PEPD: variants seen among roughly 807,000 people sequenced by gnomAD.
PEPD encodes peptidase D.
PEPD carries 53 observed loss-of-function variants against 60.7 expected under a neutral mutation model. The observed-to-expected ratio is 0.87, with a 90% CI of 0.70 to 1.10. PEPD has a LOEUF of 1.10. PEPD is among the 50% of genes least tolerant of loss of function. The pLI is 0.00. For missense variants in PEPD, 711 were observed against 711.9 expected, an observed-to-expected ratio of 1.00 and a Z score of 0.01; for synonymous variants, 267 against 284.1, an observed-to-expected ratio of 0.94 and a Z score of 0.60.
At chr19:33,509,793 A>G (rs1190755452) in intron 3 of PEPD, among the ~76,000 whole-genome samples, 1 of 152,216 alleles carries the variant, frequency 6.6e-6, no homozygotes, top group Non-Finnish European at 1.5e-5. Context: ...CTCCCTGGTT[A>G]AGTACAGTGT....
At chr19:33,403,447 CA>C (rs1018811840) in intron 11 of PEPD, among the ~76,000 whole-genome samples, 16 of 152,302 alleles carry the variant, frequency 1.1e-4, no homozygotes, top group African/African-American at 3.8e-4. Context: ...AGTCTGAGGC[CA>C]GGGGCACAGC....
At chr19:33,470,428 G>T (rs1970101781) in intron 7 of PEPD, among the ~76,000 whole-genome samples, 1 of 151,824 alleles carries the variant, frequency 6.6e-6, no homozygotes, top group African/African-American at 2.4e-5. Context: ...TCCCTCCTCT[G>T]CCTGGAACTT....
chr19:33,459,195 C>G (rs1256176749), intron 9 of PEPD, among the ~76,000 whole-genome samples: 2 of 152,066 alleles, frequency 1.3e-5, no homozygotes, highest in Admixed American at 6.6e-5. Context: ...ACACGGTACC[C>G]GTCACACTAC....
At chr19:33,440,872 A>G (rs569438688) in intron 9 of PEPD, among the ~76,000 whole-genome samples, 2 of 152,178 alleles carry the variant, frequency 1.3e-5, no homozygotes, top group Admixed American at 1.3e-4. Context: ...TAATCCGGTG[A>G]GGGGCACTGG....
intron 9 of PEPD, among the ~76,000 whole-genome samples, chr19:33,454,797 A>G (rs528337794): frequency 6.6e-6 from 1 of 152,304 alleles, no homozygotes; most frequent in African/African-American, 2.4e-5. Context: ...GAGTGACTTT[A>G]CAGTGGAGAA....
intron 7 of PEPD, among the ~76,000 whole-genome samples, chr19:33,473,539 C>T (rs1471210292): frequency 6.6e-6 from 1 of 151,836 alleles, no homozygotes; most frequent in Non-Finnish European, 1.5e-5. Context: ...CAATTTAACA[C>T]AGTCTCGCTT....
At chr19:33,468,268 G>A (rs1000845280) in intron 7 of PEPD, among the ~76,000 whole-genome samples, 8 of 152,188 alleles carry the variant, frequency 5.3e-5, no homozygotes, top group East Asian at 1.9e-4. Context: ...AGGCCCACCC[G>A]TGACTCTCAC....
At chr19:33,499,123 A>G (rs1030227126) in intron 4 of PEPD, among the ~76,000 whole-genome samples, 3 of 152,226 alleles carry the variant, frequency 2.0e-5, no homozygotes, top group African/African-American at 7.2e-5. Flanking sequence ...CATTGGGAGC[A>G]TGCAAATAAA....
At chr19:33,505,977 TCA>T (rs1970795143) in intron 3 of PEPD, among the ~76,000 whole-genome samples, 1 of 125,618 alleles carries the variant, frequency 8.0e-6, no homozygotes, top group Non-Finnish European at 1.6e-5. Context: ...CCACACCCCA[TCA>T]CAAACACCTT....
chr19:33,510,237 C>T (rs941161141), intron 3 of PEPD, among the ~76,000 whole-genome samples: 34 of 152,242 alleles, frequency 2.2e-4, no homozygotes, highest in African/African-American at 7.9e-4. Flanking sequence ...TTCTTGGTCT[C>T]GAGTTGAATT....
chr19:33,497,941 T>A (rs1442274286), intron 4 of PEPD, among the ~76,000 whole-genome samples: 5 of 151,988 alleles, frequency 3.3e-5, no homozygotes, highest in Non-Finnish European at 7.4e-5. Context: ...TGGCGTCACA[T>A]CCCAGTACCA....
At chr19:33,411,270 G>A (rs1968763223) in intron 11 of PEPD, among the ~76,000 whole-genome samples, 1 of 152,166 alleles carries the variant, frequency 6.6e-6, no homozygotes, top group African/African-American at 2.4e-5. Context: ...GCTCCCTGCG[G>A]TCTTCCCAGC....
chr19:33,392,361 C>T (rs1250843078), intron 12 of PEPD, among the ~76,000 whole-genome samples: 1 of 152,234 alleles, frequency 6.6e-6, no homozygotes, highest in Admixed American at 6.5e-5. Flanking sequence ...CCGTCCCATC[C>T]CCGGACTCTG....
intron 9 of PEPD, among the ~76,000 whole-genome samples, chr19:33,462,736 A>G (rs1045261614): frequency 1.3e-5 from 2 of 152,236 alleles, no homozygotes; most frequent in African/African-American, 4.8e-5. Flanking sequence ...GGCAGAAACA[A>G]AGTCCGAGAG....
intron 9 of PEPD, among the ~76,000 whole-genome samples, chr19:33,449,529 C>T (rs369064146): frequency 3.9e-5 from 6 of 152,168 alleles, no homozygotes; most frequent in African/African-American, 7.2e-5. Context: ...AGCAGCAGAA[C>T]GAGTGTGCAG....
At chr19:33,428,007 G>A (rs747676861) in intron 9 of PEPD, among the ~76,000 whole-genome samples, 5 of 152,004 alleles carry the variant, frequency 3.3e-5, no homozygotes, top group Admixed American at 6.6e-5. Context: ...CACTGGCTCT[G>A]GGCAGCACTC....
At chr19:33,486,497 G>A (rs1222811551) in intron 6 of PEPD, among the ~76,000 whole-genome samples, 1 of 152,052 alleles carries the variant, frequency 6.6e-6, no homozygotes, top group African/African-American at 2.4e-5. Context: ...ACATCACTGG[G>A]TGAGCCCAGG....
At chr19:33,457,155 G>T (rs754148719) in intron 9 of PEPD, among the ~76,000 whole-genome samples, 2 of 151,492 alleles carry the variant, frequency 1.3e-5, no homozygotes, top group Non-Finnish European at 2.9e-5. Flanking sequence ...TGCCAGGCCG[G>T]GCATAGTGGC....
At chr19:33,505,527 G>C (rs1970782953) in intron 3 of PEPD, among the ~76,000 whole-genome samples, 1 of 151,988 alleles carries the variant, frequency 6.6e-6, no homozygotes, top group Non-Finnish European at 1.5e-5. Flanking sequence ...CCTTCTCAGA[G>C]GCCTGCACGG....
Sources: gnomAD v4.1 joint callset for allele counts (sites outside exome capture counted in the v4.1 genomes callset) on GRCh38, gnomAD v4.1.1 for gene constraint, MANE v1.5 for transcripts, NCBI Gene and HGNC (gene_info 2026-07-23, HGNC 2026-07-21) for gene names.